The following WAPL variants were observed in gnomAD, a reference collection of about 807,000 sequenced individuals.
The protein encoded by WAPL is WAPL cohesin release factor, also known as wings apart-like protein homolog.
In WAPL, 5 loss-of-function variants were observed where a neutral mutation model predicts 121.0. The ratio of observed to expected loss-of-function variants is 0.04; its 90% CI spans 0.02 to 0.09. The LOEUF is 0.09. WAPL is among the 10% of genes least tolerant of loss of function. WAPL has a pLI of 1.00. For missense variants in WAPL, 999 were observed against 1,410.8 expected (o/e 0.71, Z 4.68); for synonymous variants, 480 against 481.5 (o/e 1.00, Z 0.04).
At chr10:86,467,147 A>G (rs374493167) in intron 9 of WAPL, 132 bp downstream of exon 9, 3 of 756,996 alleles carry the variant, frequency 4.0e-6, no homozygotes, top group Middle Eastern at 2.4e-4. Context: ...AGATCTAAAC[A>G]TAAGAAATTT....
intron 4 of WAPL, chr10:86,488,537 G>A (rs189949811): frequency 4.6e-5 from 7 of 152,314 alleles, no homozygotes; most frequent in Admixed American, 2.6e-4. Context: ...TTCGTAGAGC[G>A]TTAAAATTAA....
intron 12 of WAPL, among the ~76,000 whole-genome samples, chr10:86,457,428 G>A (rs573429094): frequency 3.3e-5 from 5 of 151,892 alleles, no homozygotes; most frequent in Non-Finnish European, 7.4e-5. Context: ...CAAGGCGGGT[G>A]GATCACCTGA....
At chr10:86,449,654 T>C (rs7089534) in intron 15 of WAPL, among the ~76,000 whole-genome samples, 132,679 of 151,886 alleles carry the variant, frequency 0.87, 58,405 homozygotes, top group Non-Finnish European at 0.92. Context: ...TGAACCCCTA[T>C]TATGTGGATA....
chr10:86,519,687 C>T (rs1326314791), intron 1 of WAPL, among the ~76,000 whole-genome samples: 2 of 152,186 alleles, frequency 1.3e-5, no homozygotes, highest in South Asian at 2.1e-4. Context: ...GGATACTGGG[C>T]AACTACCACG....
chr10:86,500,075 C>T lies in WAPL; in HGVS notation c.1168G>A (p.Ala390Thr). The T allele has an allele frequency of 1.2e-6, 2 of 1,614,164 alleles. No individual in the cohort carries two copies. Among genetic ancestry groups the T allele is most frequent in the Non-Finnish European group, 1.7e-6 (2 of 1,180,026 alleles). Residue 390 changes from alanine to threonine, a missense_variant, in exon 3 of 19, where the codon GCA becomes ACA. Coordinates refer to ENST00000298767, the MANE Select transcript of WAPL (RefSeq NM_015045.5). ...AGACGACCAGCTTCTCCCAAATCTG[C>T]AGGAGTGGATGCAGTGAACTCATCC... ...SMDEFTASTP[A>T]DLGEAGRLRK...
At chr10:86,451,896 C>T in intron 15 of WAPL, 71 bp downstream of exon 15, 2 of 1,557,684 alleles carry the variant, frequency 1.3e-6, no homozygotes, top group South Asian at 1.2e-5. Flanking sequence ...GTAAAAGGTG[C>T]AAATGATAAA....
chr10:86,515,212 G>A (rs1842531913), intron 2 of WAPL, among the ~76,000 whole-genome samples: 1 of 150,970 alleles, frequency 6.6e-6, no homozygotes, highest in Admixed American at 6.6e-5. Flanking sequence ...AGTGAGCCAA[G>A]ATAGCGCCAT....
At chr10:86,464,720 C>T (rs1478983255) in intron 9 of WAPL, among the ~76,000 whole-genome samples, 2 of 152,160 alleles carry the variant, frequency 1.3e-5, no homozygotes, top group East Asian at 3.9e-4. Context: ...CCTGTAATCC[C>T]AGCTATTCAA....
chr10:86,480,066 TA>T (rs1841747394), intron 4 of WAPL, among the ~76,000 whole-genome samples: 1 of 152,196 alleles, frequency 6.6e-6, no homozygotes, highest in African/African-American at 2.4e-5. Context: ...ACTCCTAAAT[TA>T]AAACCAACAG....
At chr10:86,509,865 A>G (rs1250581865) in intron 2 of WAPL, among the ~76,000 whole-genome samples, 1 of 151,142 alleles carries the variant, frequency 6.6e-6, no homozygotes, top group Non-Finnish European at 1.5e-5. Flanking sequence ...CCCGGGTTCA[A>G]GCAATTCTCC....
chr10:86,480,330 C>A (rs968594346), intron 4 of WAPL, among the ~76,000 whole-genome samples: 1 of 152,156 alleles, frequency 6.6e-6, no homozygotes, highest in Non-Finnish European at 1.5e-5. Context: ...TTGGTAGCCA[C>A]GGTTTTATTA....
intron 1 of WAPL, 121 bp from the exon 2 acceptor site, chr10:86,518,212 T>A: frequency 1.0e-6 from 1 of 954,714 alleles, no homozygotes; most frequent in Non-Finnish European, 1.5e-6. Context: ...CACAGACTTT[T>A]AAATAAACAA....
At chr10:86,467,838 A>G (rs898664449) in intron 8 of WAPL, among the ~76,000 whole-genome samples, 3 of 151,698 alleles carry the variant, frequency 2.0e-5, no homozygotes, top group Non-Finnish European at 4.4e-5. Flanking sequence ...CACCACGCCC[A>G]GCTTATTTTT....
intron 9 of WAPL, among the ~76,000 whole-genome samples, chr10:86,464,840 A>C (rs1564569742): frequency 6.6e-6 from 1 of 152,344 alleles, no homozygotes; most frequent in East Asian, 1.9e-4. Flanking sequence ...TCGTCTCAAA[A>C]AAACAAACAA....
chr10:86,496,005 T>C lies in WAPL; in HGVS notation c.1644+1196A>G, dbSNP rs192137438. 1.5e-4 allele frequency among the ~76,000 whole-genome samples: 23 copies of C among 152,170 alleles called. No individual in the cohort carries two copies. In the East Asian group the frequency reaches 3.9e-3, roughly 26 times the overall value. On this transcript the variant is annotated intron_variant, in intron 4 of 18. Transcript: ENST00000298767. ...GTCACATGCGTGTAATCCCAGCTAC[T>C]TGGGAGGCTGAGGCAGGAGAATTCC...
At chr10:86,486,798 T>C (rs904839879) in intron 4 of WAPL, among the ~76,000 whole-genome samples, 7 of 151,652 alleles carry the variant, frequency 4.6e-5, no homozygotes, top group Non-Finnish European at 1.0e-4. Flanking sequence ...CTACAAAAAA[T>C]ACAAAAAATT....
intron 9 of WAPL, among the ~76,000 whole-genome samples, chr10:86,461,515 TTATACA>T (rs1212502219): frequency 2.0e-5 from 3 of 152,214 alleles, no homozygotes; most frequent in African/African-American, 7.2e-5. Context: ...CAGTTTAATA[TTATACA>T]TATATATAGG....
chr10:86,445,041 C>T (rs926521514), intron 16 of WAPL, among the ~76,000 whole-genome samples: 5 of 152,068 alleles, frequency 3.3e-5, no homozygotes, highest in African/African-American at 9.7e-5. Context: ...GACGTTGCTG[C>T]GGCTTGCTTC....
chr10:86,497,065 C>A, intron 4 of WAPL, 136 bp downstream of exon 4: 1 of 691,282 alleles, frequency 1.4e-6, no homozygotes, highest in Non-Finnish European at 2.3e-6. Context: ...ATGGTTATAT[C>A]TGAAAAAACG....
Sources: gnomAD v4.1 joint callset for allele counts (sites outside exome capture counted in the v4.1 genomes callset) on GRCh38, gnomAD v4.1.1 for gene constraint, MANE v1.5 for transcripts, NCBI Gene and HGNC (gene_info 2026-07-23, HGNC 2026-07-21) for gene names.